CAGE1: variants seen among roughly 807,000 people sequenced by gnomAD.
CAGE1 encodes the protein cancer-associated gene 1 protein.
CAGE1 carries 66 observed loss-of-function variants against 94.9 expected under a neutral mutation model. The ratio of observed to expected loss-of-function variants is 0.70; its 90% CI spans 0.57 to 0.85. The LOEUF is 0.85. Among genes scored for constraint, CAGE1 ranks in the 40% least tolerant of loss-of-function variants. CAGE1 has a pLI of 0.00. For missense variants in CAGE1, 865 were observed against 950.4 expected, an observed-to-expected ratio of 0.91 and a Z score of 1.18; for synonymous variants, 319 against 321.0, an observed-to-expected ratio of 0.99 and a Z score of 0.07.
intron 4 of CAGE1, among the ~76,000 whole-genome samples, chr6:7,375,683 T>C (rs1760716360): frequency 6.6e-6 from 1 of 152,130 alleles, no homozygotes; most frequent in Non-Finnish European, 1.5e-5. Context: ...CACACTGCTC[T>C]CCAATCTGAG....
rs756527080 is a variant in CAGE1, at chr6:7,387,002, C to T, written c.172G>A (p.Gly58Ser). ...SHSPICMETT[G>S]TTCDLPQNEI... ...ACCTGAGGCAAGTCACAAGTGGTGCCGGTGGTTTCCATACAGATTGGAGAA... is the reference window on the plus strand; with the variant it reads ...ACCTGAGGCAAGTCACAAGTGGTGCTGGTGGTTTCCATACAGATTGGAGAA... The change falls in exon 2 of 14, where the codon GGC becomes AGC. Residue 58 changes from glycine (G) to serine (S), a missense_variant. Physicochemically the swap from Gly to Ser is moderately conservative, Grantham distance 56. Transcript: ENST00000502583. 10 of 1,551,620 alleles carry T rather than the reference C, an allele frequency of 6.4e-6. No individual in the cohort carries two copies. In the South Asian group the frequency reaches 7.1e-5, roughly 11 times the overall value.
rs1348561254 is a variant in CAGE1 at position 7,365,507 on chromosome 6, C to T, written c.2154G>A (p.Leu718=). The T allele has an allele frequency of 1.9e-6, 3 of 1,613,328 alleles. No individual in the cohort carries two copies. The African/African-American group carries it at 4.0e-5, about 22-fold the overall frequency. Residue 718 remains leucine, a synonymous_variant, in exon 9 of 14, where the codon CTG becomes CTA. Coordinates refer to ENST00000502583, the MANE Select transcript of CAGE1 (RefSeq NM_001170692.2). ...RDVPTLLGAK[L]DKYHSLNEEL... is the part of the protein sequence containing the mutation. Reference sequence around the variant, plus strand: ...CCTCATTTAGACTGTGGTACTTATCCAGTTTGGCTCCCAGAAGGGTAGGTA... The same window carrying T: ...CCTCATTTAGACTGTGGTACTTATCTAGTTTGGCTCCCAGAAGGGTAGGTA...
At position 7,334,135 on chromosome 6, in the gene CAGE1, C is replaced by G. The variant is rs369412043; in HGVS notation, c.2370-45G>C. On this transcript the variant is annotated intron_variant, in intron 11 of 13. Transcript: ENST00000502583. ...AATTTTATGACTAAAATGGACTTTT[C>G]TAGACCAATATTTTGTTAGATTCAC... The G allele has an allele frequency of 2.4e-5, 29 of 1,199,964 alleles. No individual in the cohort carries two copies. In the African/African-American group the frequency reaches 4.0e-4, roughly 17 times the overall value. 74.3% of individuals were successfully genotyped at this position (1,199,964 alleles called of 1,614,324 possible).
chr6:7,350,581 A>G (rs1350033390), intron 11 of CAGE1, among the ~76,000 whole-genome samples: 1 of 152,226 alleles, frequency 6.6e-6, no homozygotes, highest in Non-Finnish European at 1.5e-5. Context: ...ACAGTGGAAT[A>G]AAACCGGAAA....
At position 7,379,036 on chromosome 6, in the gene CAGE1, A is replaced by C; in HGVS notation, c.284-16T>G. ...ATGTTGTTATCTCATAAGAAAGAGA[A>C]AGAAGGAAATAAAAACGAGTAGACC... On this transcript the variant is annotated splice_polypyrimidine_tract_variant and intron_variant, in intron 3 of 13. Transcript: ENST00000502583. 1.4e-6 allele frequency: 2 copies of C among 1,465,266 alleles called. No individual in the cohort carries two copies. The highest frequency in any genetic ancestry group is 1.8e-6 in the Non-Finnish European group (2 of 1,109,170). The allele number at this position is 1,465,266 out of a possible 1,614,324, so 90.8% of individuals were successfully genotyped here. A position where few individuals can be genotyped will look rare whatever the true frequency, so the allele number is the denominator to read the frequency against.
chr6:7,360,361 T>C (rs1462594673), intron 9 of CAGE1, among the ~76,000 whole-genome samples: 1 of 152,200 alleles, frequency 6.6e-6, no homozygotes, highest in Non-Finnish European at 1.5e-5. Flanking sequence ...CCAGGTGGCC[T>C]GGCCATAAGG....
chr6:7,333,629 T>A (rs1257154726), intron 12 of CAGE1, among the ~76,000 whole-genome samples: 5 of 66,688 alleles, frequency 7.5e-5, no homozygotes, highest in East Asian at 7.5e-4. Flanking sequence ...TATCTAACTA[T>A]CTATCTAACT....
chr6:7,346,866 AAAAAG>A (rs892242550), intron 11 of CAGE1, among the ~76,000 whole-genome samples: 13 of 59,312 alleles, frequency 2.2e-4, no homozygotes, highest in Middle Eastern at 0.011. Context: ...TCAAAAAAAA[AAAAAG>A]AAGAAAGAAA....
intron 9 of CAGE1, among the ~76,000 whole-genome samples, chr6:7,357,132 A>G (rs1397499946): frequency 2.0e-5 from 3 of 151,764 alleles, no homozygotes; most frequent in Non-Finnish European, 2.9e-5. Context: ...TCTGTAGTGA[A>G]GAACCCTAGA....
At chr6:7,334,584 C>T (rs774007170) in intron 11 of CAGE1, among the ~76,000 whole-genome samples, 5 of 151,724 alleles carry the variant, frequency 3.3e-5, no homozygotes, top group Admixed American at 2.0e-4. Flanking sequence ...AAAAATTAGC[C>T]GGGCATGGTG....
chr6:7,331,083 C>T (rs1325709916), intron 12 of CAGE1, among the ~76,000 whole-genome samples: 1 of 152,132 alleles, frequency 6.6e-6, no homozygotes, highest in Non-Finnish European at 1.5e-5. Context: ...CATAGTTAAC[C>T]TATCACTTGC....
At chr6:7,358,830 C>G (rs1052820095) in intron 9 of CAGE1, among the ~76,000 whole-genome samples, 1 of 151,784 alleles carries the variant, frequency 6.6e-6, no homozygotes, top group Non-Finnish European at 1.5e-5. Context: ...TAAACAATAA[C>G]CAAAAAAAAC....
chr6:7,336,775 G>A (rs1363061100), intron 11 of CAGE1, among the ~76,000 whole-genome samples: 2 of 152,176 alleles, frequency 1.3e-5, no homozygotes, highest in African/African-American at 4.8e-5. Context: ...CTCCCAAAGT[G>A]CTGGGATTAC....
At chr6:7,385,427 C>T (rs1462908057) in intron 3 of CAGE1, among the ~76,000 whole-genome samples, 1 of 152,066 alleles carries the variant, frequency 6.6e-6, no homozygotes, top group Non-Finnish European at 1.5e-5. Flanking sequence ...CTTGGCCTTC[C>T]AAAGCACTGG....
In CAGE1 at chr6:7,339,503, AT is replaced by A; in HGVS notation, c.2370-5414del. The A allele has an allele frequency of 1.2e-6, 1 of 829,394 alleles. No homozygotes were observed. Among genetic ancestry groups the A allele is most frequent in the Admixed American group, 1.7e-5 (1 of 59,072 alleles). 51.4% of individuals were successfully genotyped at this position (829,394 alleles called of 1,614,324 possible). Reference sequence around the variant, plus strand: ...CAGCCAGCTCCTGAGTAAGAAACTCATTCATTTCAGCTTAGAAGATGCCATC... The same window carrying A: ...CAGCCAGCTCCTGAGTAAGAAACTCATCATTTCAGCTTAGAAGATGCCATC... On this transcript the variant is annotated intron_variant, in intron 11 of 13. Transcript: ENST00000502583. The surrounding 1 kb of genome is among the most constrained non-coding windows in gnomAD (Gnocchi z 4.7).
chr6:7,358,070 A>ATATATATATATT (rs1321838889), intron 9 of CAGE1, among the ~76,000 whole-genome samples: 42 of 120,922 alleles, frequency 3.5e-4, no homozygotes, highest in Non-Finnish European at 6.1e-4. Context: ...ATATATATAT[A>ATATATATATATT]TGCCTCCAAA....
At chr6:7,369,811 CTTCATT>C in intron 6 of CAGE1, 102 bp downstream of exon 6, 1 of 1,128,184 alleles carries the variant, frequency 8.9e-7, no homozygotes, top group Non-Finnish European at 1.2e-6. Context: ...ATCTTCAATT[CTTCATT>C]TTCTTCTTCC....
In CAGE1 at chr6:7,352,306, C is replaced by CA. The variant is rs796943772; in HGVS notation, c.2369+2734dup. 2.0e-3 allele frequency among the ~76,000 whole-genome samples: 209 copies of CA among 103,928 alleles called. 2 individuals carry two copies. The East Asian group carries it at 0.031, about 15-fold the overall frequency. 68.2% of individuals were successfully genotyped at this position (103,928 alleles called of 152,430 possible). ...CAATAGCTGCAAAAAAAAAAAAAAA[C>CA]AAAAAAAAACAAAAAAAAAAAACCT... On this transcript the variant is annotated intron_variant, in intron 11 of 13. Transcript: ENST00000502583.
At chr6:7,376,628 T>C (rs1194427606) in intron 4 of CAGE1, among the ~76,000 whole-genome samples, 2 of 152,076 alleles carry the variant, frequency 1.3e-5, no homozygotes, top group Non-Finnish European at 2.9e-5. Context: ...TGCAGCAAGA[T>C]GAAATGAACT....
Sources: gnomAD v4.1 joint callset for allele counts (sites outside exome capture counted in the v4.1 genomes callset) on GRCh38, gnomAD v4.1.1 for gene constraint, Gnocchi (gnomAD v3.1) non-coding constraint, MANE v1.5 for transcripts, NCBI Gene and HGNC (gene_info 2026-07-23, HGNC 2026-07-21) for gene names.